Variants in STXBP6 observed in about 807,000 individuals in gnomAD.
STXBP6 encodes syntaxin binding protein 6, also known as syntaxin-binding protein 6.
A neutral mutation model predicts 26.9 loss-of-function variants in STXBP6; 21 were observed. The ratio of observed to expected loss-of-function variants is 0.78; its 90% confidence interval spans 0.55 to 1.12. The LOEUF (loss-of-function observed/expected upper bound fraction) is 1.12, where lower values mean the gene tolerates loss of function less well. Ranked by LOEUF, STXBP6 falls within the 50% of genes most tolerant of loss-of-function variation. The pLI is 0.00. For missense variants in STXBP6, 232 were observed against 257.9 expected, an observed-to-expected ratio of 0.90 and a Z score of 0.69; for synonymous variants, 97 against 92.6, an observed-to-expected ratio of 1.05 and a Z score of -0.27.
chr14:24,968,160 T>C (rs1173571129), intron 2 of STXBP6, among the ~76,000 whole-genome samples: 1 of 142,340 alleles, frequency 7.0e-6, no homozygotes, highest in Non-Finnish European at 1.5e-5. Context: ...TCACTATTTA[T>C]ATAATAAAGA....
intron 2 of STXBP6, among the ~76,000 whole-genome samples, chr14:24,892,580 A>T (rs1210930394): frequency 6.6e-6 from 1 of 152,120 alleles, no homozygotes; most frequent in African/African-American, 2.4e-5. Context: ...AGTCATGCAG[A>T]GGGCAGGGAC....
At chr14:25,030,941 C>G (rs1047751448) in intron 1 of STXBP6, among the ~76,000 whole-genome samples, 4 of 151,706 alleles carry the variant, frequency 2.6e-5, no homozygotes, top group South Asian at 4.2e-4. Context: ...AAAAAAATCA[C>G]AAGTTCCAGA....
chr14:24,942,127 G>T (rs1168535753), intron 2 of STXBP6, among the ~76,000 whole-genome samples: 1 of 152,208 alleles, frequency 6.6e-6, no homozygotes, highest in African/African-American at 2.4e-5. Flanking sequence ...TTGTAGGATG[G>T]AATTTGACAA....
chr14:24,974,024 C>G (rs1211784186), intron 2 of STXBP6, among the ~76,000 whole-genome samples: 1 of 152,020 alleles, frequency 6.6e-6, no homozygotes, highest in Non-Finnish European at 1.5e-5. Flanking sequence ...AAAAATTTAT[C>G]CAGATTTTAT....
intron 1 of STXBP6, among the ~76,000 whole-genome samples, chr14:25,021,604 G>A (rs932014317): frequency 6.6e-6 from 1 of 152,088 alleles, no homozygotes; most frequent in African/African-American, 2.4e-5. Flanking sequence ...CAAACCAGTT[G>A]ACATCTTGAT....
intron 2 of STXBP6, among the ~76,000 whole-genome samples, chr14:24,972,240 T>A (rs1479401509): frequency 6.6e-6 from 1 of 152,188 alleles, no homozygotes; most frequent in African/African-American, 2.4e-5. Flanking sequence ...AAAGCAATTG[T>A]CATAGTTTTG....
At chr14:25,017,979 TG>T (rs1352254654) in intron 1 of STXBP6, among the ~76,000 whole-genome samples, 1 of 152,186 alleles carries the variant, frequency 6.6e-6, no homozygotes. Flanking sequence ...CTCTTGGTCG[TG>T]GATCACCCAT....
chr14:24,930,979 C>T (rs1302506898), intron 2 of STXBP6, among the ~76,000 whole-genome samples: 6 of 145,248 alleles, frequency 4.1e-5, no homozygotes, highest in South Asian at 2.3e-4. Flanking sequence ...GGCGCGGTGG[C>T]GGGCGCCTGT....
intron 5 of STXBP6, among the ~76,000 whole-genome samples, chr14:24,814,979 GT>G (rs71121803): frequency 0.14 from 21,492 of 152,154 alleles, 1,967 homozygotes; most frequent in Non-Finnish European, 0.21. Flanking sequence ...AAGTCACCCA[GT>G]TTATGGTATT....
chr14:24,831,485 CAGTG>C (rs2138912557), intron 4 of STXBP6, among the ~76,000 whole-genome samples: 2 of 152,124 alleles, frequency 1.3e-5, no homozygotes, highest in South Asian at 4.2e-4. Context: ...TGGAAAATAA[CAGTG>C]AGTGCTTGCC....
chr14:24,985,290 C>T (rs2140257430), intron 1 of STXBP6, among the ~76,000 whole-genome samples: 1 of 152,302 alleles, frequency 6.6e-6, no homozygotes, highest in African/African-American at 2.4e-5. Context: ...CCTATGAAAG[C>T]CTCATCACAG....
intron 1 of STXBP6, among the ~76,000 whole-genome samples, chr14:25,018,186 G>A (rs1301492347): frequency 1.3e-5 from 2 of 152,048 alleles, no homozygotes; most frequent in African/African-American, 2.4e-5. Context: ...GACTTCCGGA[G>A]ATTCTTAATA....
At chr14:24,842,837 T>C (rs2068825840) in intron 4 of STXBP6, among the ~76,000 whole-genome samples, 1 of 152,220 alleles carries the variant, frequency 6.6e-6, no homozygotes, top group Admixed American at 6.5e-5. Context: ...GTATCTGTTA[T>C]CTGCATTACA....
At chr14:24,866,135 G>A (rs2069710520) in intron 2 of STXBP6, among the ~76,000 whole-genome samples, 1 of 152,094 alleles carries the variant, frequency 6.6e-6, no homozygotes, top group Admixed American at 6.5e-5. Context: ...TCCTTGATGT[G>A]AGTGGGTCTC....
chr14:24,903,714 A>G (rs2071292562), intron 2 of STXBP6, among the ~76,000 whole-genome samples: 1 of 152,212 alleles, frequency 6.6e-6, no homozygotes, highest in African/African-American at 2.4e-5. Context: ...ACAGATGGAT[A>G]AAAAAGAATA....
chr14:24,848,960 TCTGCTGAATGTCATGTCC>T (rs2069054007), intron 4 of STXBP6, among the ~76,000 whole-genome samples: 1 of 152,166 alleles, frequency 6.6e-6, no homozygotes, highest in Non-Finnish European at 1.5e-5. Context: ...TCTCACAGTT[TCTGCTGAATGTCATGTCC>T]CTAATAGTGC....
At chr14:24,831,286 A>T (rs2068447182) in intron 4 of STXBP6, among the ~76,000 whole-genome samples, 1 of 152,176 alleles carries the variant, frequency 6.6e-6, no homozygotes, top group African/African-American at 2.4e-5. Flanking sequence ...CATTCAATAC[A>T]TTATATTGTA....
rs377599337 is a variant in STXBP6, at chr14:24,961,020, G to A, written c.154+13645C>T. On this transcript the variant is annotated intron_variant, in intron 2 of 5. Transcript: ENST00000323944. ...CAATTTCTGCAGGCCCCATTTTTTC[G>A]TGTAAACATTGGCATCAGCTTTGAG... is the stretch of plus-strand genomic sequence containing the variant. 9.1e-4 allele frequency among the ~76,000 whole-genome samples: 139 copies of A among 152,180 alleles called. 1 individual carries two copies. Among genetic ancestry groups the A allele is most frequent in the African/African-American group, 3.0e-3 (124 of 41,528 alleles).
At chr14:24,999,659 G>A (rs1214168478) in intron 1 of STXBP6, among the ~76,000 whole-genome samples, 1 of 152,160 alleles carries the variant, frequency 6.6e-6, no homozygotes, top group Admixed American at 6.5e-5. Flanking sequence ...GAAGACTATA[G>A]AAGGTACAAC....
Sources: gnomAD v4.1 joint callset for allele counts (sites outside exome capture counted in the v4.1 genomes callset) on GRCh38, gnomAD v4.1.1 for gene constraint, MANE v1.5 for transcripts, NCBI Gene and HGNC (gene_info 2026-07-23, HGNC 2026-07-21) for gene names.